The following PODXL2 variants were observed in gnomAD, a reference collection of about 807,000 sequenced individuals.
PODXL2 encodes podocalyxin like 2, also known as podocalyxin-like protein 2.
Under a neutral mutation model 53.4 loss-of-function variants are expected in PODXL2, and 17 were observed. That is an observed-to-expected ratio of 0.32 (90% CI 0.22 to 0.48). The LOEUF (loss-of-function observed/expected upper bound fraction) is 0.48, where lower values mean the gene tolerates loss of function less well. PODXL2 is among the 20% of genes least tolerant of loss of function. PODXL2 has a pLI of 0.99. For synonymous variants in PODXL2, 311 were observed against 306.7 expected, an observed-to-expected ratio of 1.01 and a Z score of -0.15; for missense variants, 673 against 760.0, an observed-to-expected ratio of 0.89 and a Z score of 1.35.
chr3:127,640,008 A>G (rs2107704714), intron 2 of PODXL2, among the ~76,000 whole-genome samples: 1 of 152,326 alleles, frequency 6.6e-6, no homozygotes, highest in Non-Finnish European at 1.5e-5. Flanking sequence ...CCTTGAGTCT[A>G]TCCGACCAGC....
At chr3:127,634,285 C>T (rs187318021) in intron 1 of PODXL2, among the ~76,000 whole-genome samples, 1 of 151,974 alleles carries the variant, frequency 6.6e-6, no homozygotes, top group Non-Finnish European at 1.5e-5. Context: ...ATTAGCCGGT[C>T]ATGGTGGCAC....
At chr3:127,645,355 T>A (rs2074645942) in intron 2 of PODXL2, among the ~76,000 whole-genome samples, 1 of 152,192 alleles carries the variant, frequency 6.6e-6, no homozygotes, top group Non-Finnish European at 1.5e-5. Context: ...GTTCCTCTTG[T>A]CCCATCTGCT....
intron 4 of PODXL2, among the ~76,000 whole-genome samples, chr3:127,663,836 A>G (rs1294112400): frequency 6.6e-6 from 1 of 152,198 alleles, no homozygotes; most frequent in Non-Finnish European, 1.5e-5. Flanking sequence ...TGGTGTGCAT[A>G]CTTGAACAAT....
At chr3:127,651,595 C>T (rs1431019919) in intron 2 of PODXL2, among the ~76,000 whole-genome samples, 1 of 152,212 alleles carries the variant, frequency 6.6e-6, no homozygotes, top group East Asian at 1.9e-4. Context: ...ATTGCCAGCC[C>T]ATCTTCTCTA....
At chr3:127,645,615 G>T (rs932395375) in intron 2 of PODXL2, among the ~76,000 whole-genome samples, 1 of 152,204 alleles carries the variant, frequency 6.6e-6, no homozygotes, top group African/African-American at 2.4e-5. Flanking sequence ...TAATTCATTT[G>T]CCCAGAGGGG....
rs147890192 is a variant in PODXL2, at chr3:127,643,140, A to G, written c.349+3617A>G. On this transcript the variant is annotated intron_variant, in intron 2 of 7. Coordinates refer to ENST00000342480, the MANE Select transcript of PODXL2 (RefSeq NM_015720.4). ...TGACATACGTAGAAAACATTTTTCC[A>G]GTTTGTCAACTGCTTGTATTTTTAT... Among the ~76,000 whole-genome samples the G allele has an allele frequency of 2.0e-5, 3 of 152,336 alleles. No individual in the cohort carries two copies. In the East Asian group the frequency reaches 5.8e-4, roughly 29 times the overall value.
chr3:127,651,124 T>A (rs1266790064), intron 2 of PODXL2, among the ~76,000 whole-genome samples: 1 of 152,100 alleles, frequency 6.6e-6, no homozygotes, highest in African/African-American at 2.4e-5. Flanking sequence ...ATTAGCCAGA[T>A]GTGGTTGCGG....
rs2074811706 is a variant in PODXL2, at chr3:127,668,689, CTT to C, written c.1363+94_1363+95del. 9 of 1,236,042 alleles carry C rather than the reference CTT, an allele frequency of 7.3e-6. No individual in the cohort carries two copies. In the South Asian group the frequency reaches 1.7e-4, roughly 24 times the overall value. The allele number at this position is 1,236,042 out of a possible 1,614,324, so 76.6% of individuals were successfully genotyped here. A position where few individuals can be genotyped will look rare whatever the true frequency, so the allele number is the denominator to read the frequency against. ...CGGGAAAAAAGTGCACGCATAAGGG[CTT>C]TGAAACTTGGAACTCCAGGACAGTA... On this transcript the variant is annotated intron_variant, in intron 5 of 7. Coordinates refer to ENST00000342480, the MANE Select transcript of PODXL2 (RefSeq NM_015720.4).
intron 2 of PODXL2, among the ~76,000 whole-genome samples, chr3:127,656,196 G>A (rs2074722169): frequency 6.6e-6 from 1 of 152,190 alleles, no homozygotes. Flanking sequence ...TGCCATTGGT[G>A]TATAAGACAC....
Position 127,657,389 on chromosome 3 carries a change from G to A in PODXL2, c.350-2989G>A, listed in dbSNP as rs553314718. ...TGAATCCATCAGCTATTTTAAGTGC[G>A]TCCTGAAGGTTTCCAATACTCCTTT... On this transcript the variant is annotated intron_variant, in intron 2 of 7. Coordinates refer to ENST00000342480, the MANE Select transcript of PODXL2 (RefSeq NM_015720.4). Among the ~76,000 whole-genome samples the A allele has an allele frequency of 1.7e-4, 26 of 152,248 alleles. No homozygotes were observed. The South Asian group carries it at 3.3e-3, about 19-fold the overall frequency.
At chr3:127,636,711 G>A (rs569624808) in intron 1 of PODXL2, among the ~76,000 whole-genome samples, 1 of 152,348 alleles carries the variant, frequency 6.6e-6, no homozygotes, top group African/African-American at 2.4e-5. Context: ...TTCCTGGTTT[G>A]GACTTGGCAG....
chr3:127,639,649 T>C, intron 2 of PODXL2, 126 bp downstream of exon 2: 1 of 914,094 alleles, frequency 1.1e-6, no homozygotes, highest in Non-Finnish European at 1.7e-6. Context: ...ATGCTGCTGC[T>C]GTTTACCTGC....
chr3:127,637,168 C>A (rs1193924434), intron 1 of PODXL2, among the ~76,000 whole-genome samples: 1 of 152,128 alleles, frequency 6.6e-6, no homozygotes. Context: ...GAGAGTTGGG[C>A]CTGTGAATTA....
chr3:127,669,289 C>T lies in PODXL2; in HGVS notation c.1425+87C>T, dbSNP rs1264324229. Reference sequence around the variant, plus strand: ...CAAAGTCCCAGGAGTCTGCCCACATCGTGAGGTTCAAAGGAGTATAAGACA... The same window carrying T: ...CAAAGTCCCAGGAGTCTGCCCACATTGTGAGGTTCAAAGGAGTATAAGACA... On this transcript the variant is annotated intron_variant, in intron 6 of 7. Transcript: ENST00000342480. 1.4e-5 allele frequency: 13 copies of T among 918,492 alleles called. No individual in the cohort carries two copies. In the Admixed American group the frequency reaches 1.6e-4, roughly 11 times the overall value. The allele number at this position is 918,492 out of a possible 1,614,324, so 56.9% of individuals were successfully genotyped here.
intron 1 of PODXL2, among the ~76,000 whole-genome samples, chr3:127,631,110 C>T (rs2074542576): frequency 6.6e-6 from 1 of 152,224 alleles, no homozygotes; most frequent in African/African-American, 2.4e-5. Context: ...TGTGGAAGCC[C>T]TTCAGGGACC....
At chr3:127,658,114 A>G (rs535418372) in intron 2 of PODXL2, among the ~76,000 whole-genome samples, 8 of 152,288 alleles carry the variant, frequency 5.3e-5, no homozygotes, top group African/African-American at 1.9e-4. Flanking sequence ...AGTAGGTGGA[A>G]GAGGGGGAGG....
chr3:127,660,192 A>G (rs2074755444), intron 2 of PODXL2, among the ~76,000 whole-genome samples, 186 bp from the exon 3 acceptor site: 1 of 152,008 alleles, frequency 6.6e-6, no homozygotes, highest in Non-Finnish European at 1.5e-5. Context: ...TATCATCATA[A>G]AGGAAACAGT....
At chr3:127,652,676 C>T (rs991655635) in intron 2 of PODXL2, among the ~76,000 whole-genome samples, 6 of 152,156 alleles carry the variant, frequency 3.9e-5, no homozygotes, top group African/African-American at 1.2e-4. Context: ...GTCTCCCGGG[C>T]GGCTCGGCTT....
In PODXL2 at chr3:127,629,647, C is replaced by T. The variant is rs545994713; in HGVS notation, c.70+358C>T. On this transcript the variant is annotated intron_variant, in intron 1 of 7. Transcript: ENST00000342480. This position sits in a 1 kb window ranked among gnomAD's most constrained non-coding sequence, Gnocchi z 6.4. The stretch of plus-strand genomic sequence containing the variant: ...GTGTGTGCGTGTGCTTGTGTGTGTG[C>T]GAGTGCATTGTGTGCCTGCGCACTC... Among the ~76,000 whole-genome samples the T allele has an allele frequency of 4.6e-5, 7 of 152,128 alleles. No individual in the cohort carries two copies. In the South Asian group the frequency reaches 1.5e-3, roughly 32 times the overall value.
Sources: gnomAD v4.1 joint callset for allele counts (sites outside exome capture counted in the v4.1 genomes callset) on GRCh38, gnomAD v4.1.1 for gene constraint, Gnocchi (gnomAD v3.1) non-coding constraint, MANE v1.5 for transcripts, NCBI Gene and HGNC (gene_info 2026-07-23, HGNC 2026-07-21) for gene names.